The following FSD1 variants were observed in gnomAD, a reference collection of about 807,000 sequenced individuals.
FSD1 encodes fibronectin type III and SPRY domain-containing protein 1.
Under a neutral mutation model 58.2 loss-of-function variants are expected in FSD1, and 23 were observed. That is an observed-to-expected ratio of 0.40 (90% confidence interval 0.28 to 0.56). The LOEUF (loss-of-function observed/expected upper bound fraction) is 0.56, where lower values mean the gene tolerates loss of function less well. FSD1 is among the 20% of genes least tolerant of loss of function. The pLI, the probability that FSD1 is intolerant of heterozygous loss-of-function variation, is 0.54. For synonymous variants in FSD1, 265 were observed against 263.4 expected, an observed-to-expected ratio of 1.01 and a Z score of -0.06; for missense variants, 563 against 670.8, an observed-to-expected ratio of 0.84 and a Z score of 1.78.
At chr19:4,309,196 C>T (rs955753756) in intron 4 of FSD1, among the ~76,000 whole-genome samples, 4 of 151,688 alleles carry the variant, frequency 2.6e-5, no homozygotes, top group Non-Finnish European at 2.9e-5. Context: ...TACAATGAGC[C>T]GTGATTGTTA....
intron 6 of FSD1, 86 bp downstream of exon 6, chr19:4,310,682 G>C: frequency 6.8e-7 from 1 of 1,464,464 alleles, no homozygotes; most frequent in East Asian, 2.3e-5. Context: ...CTGGAGTATG[G>C]TGGACGACCC....
intron 10 of FSD1, among the ~76,000 whole-genome samples, chr19:4,319,935 C>A (rs1971796070): frequency 6.6e-6 from 1 of 152,072 alleles, no homozygotes; most frequent in Admixed American, 6.6e-5. Flanking sequence ...CATGGAATAG[C>A]TGCATTGGGT....
chr19:4,306,425 A>C, intron 3 of FSD1, 96 bp downstream of exon 3: 1 of 1,279,856 alleles, frequency 7.8e-7, no homozygotes. Flanking sequence ...GGTGCTCTCG[A>C]GTTTCTGATC....
At chr19:4,304,858 ACCCCAGCTGCTCTGCGGCTGAGGC>A in intron 1 of FSD1, 97 bp downstream of exon 1, 6 of 390,234 alleles carry the variant, frequency 1.5e-5, no homozygotes, top group East Asian at 1.1e-4. Flanking sequence ...CCCCGCCTCC[ACCCCAGCTGCTCTGCGGCTGAGGC>A]CCCACCCCAT....
intron 4 of FSD1, among the ~76,000 whole-genome samples, chr19:4,308,717 G>A (rs1173368611): frequency 6.6e-6 from 1 of 152,024 alleles, no homozygotes; most frequent in East Asian, 1.9e-4. Context: ...AATTAGCCGG[G>A]CGTGGTGGCG....
In FSD1 at chr19:4,311,919, G is replaced by C. The variant is rs893307833; in HGVS notation, c.568G>C (p.Asp190His). 4 of 1,614,072 alleles carry C rather than the reference G, an allele frequency of 2.5e-6. No homozygotes were observed. The African/African-American group carries it at 5.3e-5, about 22-fold the overall frequency. Residue 190 changes from aspartate (D) to histidine (H), a missense_variant, in exon 7 of 13, where the codon GAT becomes CAT. Coordinates refer to ENST00000221856, the MANE Select transcript of FSD1 (RefSeq NM_024333.3). Reference protein sequence around the residue: ...NCVTLVWRMPDEDSKIDHYVL... With the variant: ...NCVTLVWRMPHEDSKIDHYVL... ...TGTGACCCTGGTGTGGCGCATGCCGGATGAGGACAGCAAGATTGACCACTA... is the reference window on the plus strand; with the variant it reads ...TGTGACCCTGGTGTGGCGCATGCCGCATGAGGACAGCAAGATTGACCACTA...
At chr19:4,310,394 G>A in intron 5 of FSD1, 81 bp from the exon 6 acceptor site, 5 of 1,605,550 alleles carry the variant, frequency 3.1e-6, no homozygotes, top group Non-Finnish European at 2.6e-6. Context: ...CCCTGGACGG[G>A]AGCCCTGGGG....
chr19:4,311,687 A>T, intron 6 of FSD1, 155 bp from the exon 7 acceptor site: 1 of 500,378 alleles, frequency 2.0e-6, no homozygotes. Flanking sequence ...TCTGTCTCTA[A>T]AAAAAAAAAA....
chr19:4,309,432 A>G (rs1971663184), intron 4 of FSD1, among the ~76,000 whole-genome samples: 1 of 152,118 alleles, frequency 6.6e-6, no homozygotes, highest in African/African-American at 2.4e-5. Flanking sequence ...CTGTAGTTTT[A>G]TTCAGTGAAT....
chr19:4,322,801 T>A (rs1318481501), intron 10 of FSD1, among the ~76,000 whole-genome samples, 185 bp from the exon 11 acceptor site: 1 of 151,512 alleles, frequency 6.6e-6, no homozygotes, highest in Admixed American at 6.6e-5. Context: ...GTTCAAGGGG[T>A]ACCTGAGGGG....
At chr19:4,311,772 C>T (rs567433795) in intron 6 of FSD1, 70 bp from the exon 7 acceptor site, 1 of 1,457,926 alleles carries the variant, frequency 6.9e-7, no homozygotes, top group East Asian at 2.3e-5. Flanking sequence ...TTGGGCAGCC[C>T]TGCAGCAAGC....
intron 10 of FSD1, among the ~76,000 whole-genome samples, chr19:4,319,501 G>C (rs939569784): frequency 6.6e-6 from 1 of 152,180 alleles, no homozygotes; most frequent in Non-Finnish European, 1.5e-5. Context: ...AATTGCTACT[G>C]TTCAGAATAG....
intron 7 of FSD1, among the ~76,000 whole-genome samples, chr19:4,314,045 A>G (rs1971725951): frequency 6.6e-6 from 1 of 151,966 alleles, no homozygotes; most frequent in South Asian, 2.1e-4. Context: ...AAAAAGAAAA[A>G]AAAAGCCATC....
chr19:4,320,862 A>G (rs1430801796), intron 10 of FSD1, among the ~76,000 whole-genome samples: 3 of 145,696 alleles, frequency 2.1e-5, no homozygotes. Flanking sequence ...CTGGAGGGGA[A>G]TAGCTGGGAC....
At chr19:4,308,093 G>A in intron 4 of FSD1, 110 bp downstream of exon 4, 2 of 820,190 alleles carry the variant, frequency 2.4e-6, no homozygotes, top group Non-Finnish European at 3.9e-6. Flanking sequence ...TGCGATAGTT[G>A]GCAAAAGTAC....
chr19:4,310,385 C>G, intron 5 of FSD1, 90 bp downstream of exon 5: 1 of 1,608,058 alleles, frequency 6.2e-7, no homozygotes, highest in Non-Finnish European at 8.5e-7. Context: ...ATCTCAGAGC[C>G]CTGGACGGGA....
intron 3 of FSD1, 53 bp from the exon 4 acceptor site, chr19:4,307,829 G>A (rs1428288115): frequency 1.5e-6 from 2 of 1,361,900 alleles, no homozygotes; most frequent in African/African-American, 1.4e-5. Flanking sequence ...GCCCTCAGGG[G>A]GCCTGAGGCA....
chr19:4,310,527 A>T lies in FSD1; in HGVS notation c.421A>T (p.Asn141Tyr), dbSNP rs1486958659. The stretch of plus-strand genomic sequence containing the variant: ...ATCATTGAAAGCGAAGGTCAGTGAC[A>T]ACATGAGTCACCTCATGGTGGACTT... ...RLSLKAKVSDNMSHLMVDFAQ... is the reference protein window; with the variant it reads ...RLSLKAKVSDYMSHLMVDFAQ... The change falls in exon 6 of 13, where the codon AAC becomes TAC. Residue 141 changes from asparagine (N) to tyrosine (Y), a missense_variant. Transcript: ENST00000221856. The T allele has an allele frequency of 6.2e-7, 1 of 1,613,986 alleles. No individual in the cohort carries two copies. Among genetic ancestry groups the T allele is most frequent in the Admixed American group, 1.7e-5 (1 of 60,016 alleles).
rs192481101 is a variant in FSD1, at chr19:4,309,482, G to A, written c.346-791G>A. ...GGCTGGGTGTGGGCAGGAGGTTGGG[G>A]TGGGGATGGGAGCCTGTCTTGGCCA... is the stretch of plus-strand genomic sequence containing the variant. On this transcript the variant is annotated intron_variant, in intron 4 of 12. Coordinates refer to ENST00000221856, the MANE Select transcript of FSD1 (RefSeq NM_024333.3). Among the ~76,000 whole-genome samples, 167 of 152,272 alleles carry A rather than the reference G, an allele frequency of 1.1e-3. 1 individual carries two copies. The highest frequency in any genetic ancestry group is 6.8e-3 in the Middle Eastern group (2 of 294).
Sources: gnomAD v4.1 joint callset for allele counts (sites outside exome capture counted in the v4.1 genomes callset) on GRCh38, gnomAD v4.1.1 for gene constraint, MANE v1.5 for transcripts, NCBI Gene and HGNC (gene_info 2026-07-23, HGNC 2026-07-21) for gene names.